RORA: variants seen among roughly 807,000 people sequenced by gnomAD.
The protein encoded by RORA is RAR related orphan receptor A.
Under a neutral mutation model 69.5 loss-of-function variants are expected in RORA, and 7 were observed. That is an observed-to-expected ratio of 0.10 (90% CI 0.06 to 0.19). RORA has a LOEUF of 0.19. Among genes scored for constraint, RORA ranks in the 10% least tolerant of loss-of-function variants. The pLI is 1.00. For synonymous variants in RORA, 261 were observed against 240.8 expected (o/e 1.08, Z -0.78); for missense variants, 457 against 663.0 (o/e 0.69, Z 3.41).
intron 2 of RORA, among the ~76,000 whole-genome samples, chr15:60,540,514 C>G (rs1268015627): frequency 6.7e-6 from 1 of 148,440 alleles, no homozygotes; most frequent in Non-Finnish European, 1.5e-5. Flanking sequence ...CATAACCCCA[C>G]AAATTCTTAA....
intron 1 of RORA, among the ~76,000 whole-genome samples, chr15:60,934,182 G>C (rs116623162): frequency 1.2e-3 from 177 of 152,350 alleles, no homozygotes; most frequent in African/African-American, 4.0e-3. Flanking sequence ...CGTGTGACTA[G>C]CTAACAAGGA....
chr15:61,111,321 G>A (rs2079004408), intron 1 of RORA, among the ~76,000 whole-genome samples: 1 of 152,176 alleles, frequency 6.6e-6, no homozygotes, highest in Non-Finnish European at 1.5e-5. Context: ...TGGAAGGCAT[G>A]CTTACTGGTG....
intron 1 of RORA, among the ~76,000 whole-genome samples, chr15:60,876,444 T>G (rs951128604): frequency 6.6e-6 from 1 of 152,116 alleles, no homozygotes; most frequent in Non-Finnish European, 1.5e-5. Flanking sequence ...ATCTTTCTTC[T>G]TAGGCCAAAG....
At chr15:60,834,315 T>C (rs755027325) in intron 1 of RORA, among the ~76,000 whole-genome samples, 1 of 152,162 alleles carries the variant, frequency 6.6e-6, no homozygotes, top group African/African-American at 2.4e-5. Context: ...CCTTAATTCA[T>C]GGTAATAAAG....
At chr15:60,579,344 G>T (rs1435814198) in intron 2 of RORA, among the ~76,000 whole-genome samples, 2 of 152,106 alleles carry the variant, frequency 1.3e-5, no homozygotes, top group African/African-American at 4.8e-5. Context: ...CTACTGTAGA[G>T]GATAGTATCT....
chr15:60,561,433 C>T (rs192137078), intron 2 of RORA, among the ~76,000 whole-genome samples: 210 of 151,780 alleles, frequency 1.4e-3, no homozygotes, highest in Non-Finnish European at 1.6e-3. Context: ...AATAATGAGG[C>T]ATAATTATAA....
intron 2 of RORA, among the ~76,000 whole-genome samples, chr15:60,599,272 T>C (rs1029803871): frequency 6.6e-6 from 1 of 152,178 alleles, no homozygotes; most frequent in African/African-American, 2.4e-5. Context: ...AAGTACAGGC[T>C]GGGTGCTGTG....
At chr15:60,741,523 C>T (rs962269675) in intron 1 of RORA, among the ~76,000 whole-genome samples, 1 of 152,174 alleles carries the variant, frequency 6.6e-6, no homozygotes, top group African/African-American at 2.4e-5. Flanking sequence ...TAGGGTCAGA[C>T]AGACTGAAAA....
At chr15:60,561,123 C>A (rs534300322) in intron 2 of RORA, among the ~76,000 whole-genome samples, 2 of 147,450 alleles carry the variant, frequency 1.4e-5, no homozygotes, top group South Asian at 4.2e-4. Flanking sequence ...GCTCTGTCGC[C>A]CAGGCTGGAG....
At chr15:60,619,922 TTC>T (rs1293925502) in intron 2 of RORA, among the ~76,000 whole-genome samples, 1 of 152,246 alleles carries the variant, frequency 6.6e-6, no homozygotes, top group African/African-American at 2.4e-5. Context: ...ACTAGGCTGA[TTC>T]TCTCTGTTCA....
At chr15:60,874,155 A>T (rs2073588761) in intron 1 of RORA, among the ~76,000 whole-genome samples, 1 of 152,198 alleles carries the variant, frequency 6.6e-6, no homozygotes, top group Non-Finnish European at 1.5e-5. Flanking sequence ...TGCTACATAA[A>T]ATTTATACAT....
At chr15:60,947,704 AAAAAAAAT>A (rs1298342449) in intron 1 of RORA, among the ~76,000 whole-genome samples, 4 of 151,372 alleles carry the variant, frequency 2.6e-5, no homozygotes, top group African/African-American at 9.7e-5. Flanking sequence ...AAAAAAAAAA[AAAAAAAAT>A]GAAACAAAAA....
intron 1 of RORA, among the ~76,000 whole-genome samples, chr15:61,156,136 G>A (rs541684885): frequency 6.6e-6 from 1 of 152,258 alleles, no homozygotes; most frequent in Admixed American, 6.5e-5. Context: ...TTTACTGGGT[G>A]AGAAGCCAGT....
chr15:60,554,051 C>G (rs1241293390), intron 2 of RORA, among the ~76,000 whole-genome samples: 1 of 152,124 alleles, frequency 6.6e-6, no homozygotes, highest in East Asian at 1.9e-4. Flanking sequence ...GCCCCAGACA[C>G]TGAATATAAG....
chr15:60,773,795 C>T (rs1163577579), intron 1 of RORA, among the ~76,000 whole-genome samples: 7 of 152,170 alleles, frequency 4.6e-5, no homozygotes, highest in Admixed American at 2.6e-4. Flanking sequence ...ACTCTGGAAA[C>T]ATCCAGAGCT....
At chr15:60,570,620 G>A (rs1366380235) in intron 2 of RORA, among the ~76,000 whole-genome samples, 1 of 152,114 alleles carries the variant, frequency 6.6e-6, no homozygotes, top group African/African-American at 2.4e-5. Flanking sequence ...AAAGTGCTGC[G>A]ATTACAGGTG....
chr15:60,643,245 T>C lies in RORA; in HGVS notation c.196+35412A>G, dbSNP rs148338914. ...ATGTATTCTATGTTGGTTAATATTC[T>C]TTGGTTTGCATCAATAGTGTTCTTT... On this transcript the variant is annotated intron_variant, in intron 2 of 10. Transcript: ENST00000335670. Among the ~76,000 whole-genome samples the C allele has an allele frequency of 1.3e-4, 20 of 152,350 alleles. No individual in the cohort carries two copies. In the East Asian group the frequency reaches 3.9e-3, roughly 29 times the overall value.
At chr15:60,887,326 G>A (rs1005352606) in intron 1 of RORA, among the ~76,000 whole-genome samples, 4 of 152,116 alleles carry the variant, frequency 2.6e-5, no homozygotes, top group African/African-American at 4.8e-5. Context: ...GTTCCTACTC[G>A]CACTGTCATG....
chr15:61,120,591 C>T (rs941265927), intron 1 of RORA, among the ~76,000 whole-genome samples: 1 of 151,254 alleles, frequency 6.6e-6, no homozygotes, highest in Non-Finnish European at 1.5e-5. Context: ...GTCCCAGCTA[C>T]TCGGGAGGCT....
Sources: gnomAD v4.1 joint callset for allele counts (sites outside exome capture counted in the v4.1 genomes callset) on GRCh38, gnomAD v4.1.1 for gene constraint, MANE v1.5 for transcripts, NCBI Gene and HGNC (gene_info 2026-07-23, HGNC 2026-07-21) for gene names.